Variants in CTNNA3 observed in about 807,000 individuals in gnomAD.
CTNNA3 encodes catenin alpha 3.
CTNNA3 carries 76 observed loss-of-function variants against 95.7 expected under a neutral mutation model. The ratio of observed to expected loss-of-function variants is 0.79; its 90% CI spans 0.66 to 0.96. The LOEUF (loss-of-function observed/expected upper bound fraction) is 0.96, where lower values mean the gene tolerates loss of function less well. CTNNA3 is among the 40% of genes least tolerant of loss of function. The pLI is 0.00. For missense variants in CTNNA3, 1,191 were observed against 1,089.8 expected (o/e 1.09, Z -1.31); for synonymous variants, 431 against 374.4 (o/e 1.15, Z -1.74).
At position 67,650,118 on chromosome 10, in the gene CTNNA3, C is replaced by A. The variant is rs576904244; in HGVS notation, c.-5-2600G>T. ...CCTCCCAAAGTGCTAGGATTACAGG[C>A]GTGAGCCACCACCCTGGCCGGCATT... On this transcript the variant is annotated intron_variant, in intron 1 of 17. Coordinates refer to ENST00000433211, the MANE Select transcript of CTNNA3 (RefSeq NM_013266.4). 3.9e-5 allele frequency among the ~76,000 whole-genome samples: 6 copies of A among 152,276 alleles called. 1 individual carries two copies. The South Asian group carries it at 1.2e-3, about 32-fold the overall frequency.
At chr10:66,376,482 A>G (rs2132480343) in intron 12 of CTNNA3, among the ~76,000 whole-genome samples, 1 of 152,316 alleles carries the variant, frequency 6.6e-6, no homozygotes, top group African/African-American at 2.4e-5. Flanking sequence ...CTTAATGCTG[A>G]GAAAACACTT....
rs1841143869 is a variant in CTNNA3 at position 67,716,467 on chromosome 10, C to A, written c.-2+46967G>T. Among the ~76,000 whole-genome samples the A allele has an allele frequency of 3.3e-5, 5 of 152,178 alleles. No individual in the cohort carries two copies. The South Asian group carries it at 1.0e-3, about 32-fold the overall frequency. On this transcript the variant is annotated intron_variant, in intron 1 of 17. Coordinates refer to the CTNNA3 transcript ENST00000684154. ...AGGTATTTCTCCTAATGCTCTCCCT[C>A]CCCTAGCCTCCACCCCTCAACAGGC...
intron 13 of CTNNA3, among the ~76,000 whole-genome samples, chr10:66,168,855 AAAG>A (rs1217816345): frequency 4.6e-5 from 7 of 152,200 alleles, no homozygotes; most frequent in Admixed American, 4.6e-4. Flanking sequence ...ATAATTGACA[AAAG>A]AAGACTTCTA....
chr10:67,415,441 A>G (rs1845509118), intron 5 of CTNNA3, among the ~76,000 whole-genome samples: 1 of 152,196 alleles, frequency 6.6e-6, no homozygotes, highest in Admixed American at 6.5e-5. Context: ...ACAGCTAACC[A>G]GGAGGTGAAA....
intron 9 of CTNNA3, among the ~76,000 whole-genome samples, chr10:66,729,110 T>G (rs4746635): frequency 0.39 from 59,003 of 152,030 alleles, 11,895 homozygotes; most frequent in Non-Finnish European, 0.43. Flanking sequence ...TTGGTTTACA[T>G]GTCTGTTCTT....
chr10:66,520,680 T>A lies in CTNNA3; in HGVS notation c.1468A>T (p.Ile490Leu). The change falls in exon 11 of 18, where the codon ATA (isoleucine) becomes TTA (leucine). Residue 490 changes from isoleucine (I) to leucine (L), a missense_variant. Transcript: ENST00000433211. ...EMYKRTWENH[I>L]HVLTEAVDDI... ...TCTACGGCTTCAGTGAGGACATGTA[T>A]ATGATTCTCCCATGTACGCTTGTAC... 1 of 1,612,198 alleles carries A rather than the reference T, an allele frequency of 6.2e-7. No homozygotes were observed. The highest frequency in any genetic ancestry group is 8.5e-7 in the Non-Finnish European group (1 of 1,178,914).
chr10:67,735,983 C>T (rs1303754467), intron 1 of CTNNA3, among the ~76,000 whole-genome samples: 1 of 152,150 alleles, frequency 6.6e-6, no homozygotes, highest in Non-Finnish European at 1.5e-5. Context: ...TTAGGTGATA[C>T]TTGCACACCA....
chr10:67,372,657 T>A (rs1018321861), intron 5 of CTNNA3, among the ~76,000 whole-genome samples: 9 of 151,954 alleles, frequency 5.9e-5, no homozygotes, highest in Admixed American at 1.3e-4. Flanking sequence ...GAAGAGCAAC[T>A]CCAAGACACA....
intron 5 of CTNNA3, among the ~76,000 whole-genome samples, chr10:67,501,541 A>C (rs1003067135): frequency 6.6e-6 from 1 of 152,190 alleles, no homozygotes; most frequent in Non-Finnish European, 1.5e-5. Context: ...TCTCCTGGTT[A>C]GTATCCTGAA....
intron 2 of CTNNA3, among the ~76,000 whole-genome samples, chr10:67,635,766 G>A (rs943722149): frequency 5.9e-5 from 9 of 152,144 alleles, no homozygotes; most frequent in Non-Finnish European, 1.2e-4. Context: ...AGACAAGGAT[G>A]CCCTCTCTTA....
chr10:65,924,066 T>C (rs1055211832), intron 17 of CTNNA3, among the ~76,000 whole-genome samples: 7 of 152,192 alleles, frequency 4.6e-5, no homozygotes, highest in African/African-American at 1.4e-4. Flanking sequence ...TACATATTGG[T>C]AATAATCCTA....
At chr10:66,108,219 A>T (rs1361635727) in intron 13 of CTNNA3, among the ~76,000 whole-genome samples, 1 of 152,210 alleles carries the variant, frequency 6.6e-6, no homozygotes, top group Non-Finnish European at 1.5e-5. Context: ...AAATTAAGAC[A>T]TGGCCCTTGT....
intron 7 of CTNNA3, among the ~76,000 whole-genome samples, chr10:66,899,422 C>T (rs780777088): frequency 3.5e-4 from 54 of 152,156 alleles, no homozygotes; most frequent in South Asian, 6.2e-4. Flanking sequence ...GGAACAGCTC[C>T]GGTCGGAAGC....
intron 7 of CTNNA3, among the ~76,000 whole-genome samples, chr10:67,162,598 C>A (rs1157020852): frequency 6.6e-6 from 1 of 151,382 alleles, no homozygotes; most frequent in African/African-American, 2.4e-5. Flanking sequence ...TCATCTATCT[C>A]AAAAATCTAG....
chr10:67,044,948 A>G (rs1589654095), intron 7 of CTNNA3, among the ~76,000 whole-genome samples: 1 of 152,210 alleles, frequency 6.6e-6, no homozygotes, highest in African/African-American at 2.4e-5. Flanking sequence ...TGTGAAAAGT[A>G]AATAAGATTT....
At chr10:67,223,703 GTTAA>G (rs1395640410) in intron 5 of CTNNA3, among the ~76,000 whole-genome samples, 3 of 152,214 alleles carry the variant, frequency 2.0e-5, no homozygotes, top group Non-Finnish European at 4.4e-5. Flanking sequence ...TAAGCTATCA[GTTAA>G]TTAATTCAAC....
At position 67,564,532 on chromosome 10, in the gene CTNNA3, T is replaced by C. The variant is rs568697061; in HGVS notation, c.293-24863A>G. On this transcript the variant is annotated intron_variant, in intron 3 of 17. Transcript: ENST00000433211. ...GGGGGATGGATAGCACTGGGAGATA[T>C]ACCTAATGTGAATGATGAGTTAATC... Among the ~76,000 whole-genome samples the C allele has an allele frequency of 4.0e-4, 57 of 141,126 alleles. 2 individuals are homozygous for C. The highest frequency in any genetic ancestry group is 1.5e-3 in the African/African-American group (55 of 37,680). 92.6% of individuals were successfully genotyped at this position (141,126 alleles called of 152,430 possible).
chr10:67,650,954 C>T (rs1195421300), intron 1 of CTNNA3, among the ~76,000 whole-genome samples: 1 of 152,050 alleles, frequency 6.6e-6, no homozygotes, highest in African/African-American at 2.4e-5. Context: ...ACATAACCAC[C>T]ACCCCCTCCC....
At chr10:67,554,705 G>C (rs1841169357) in intron 3 of CTNNA3, among the ~76,000 whole-genome samples, 1 of 152,074 alleles carries the variant, frequency 6.6e-6, no homozygotes, top group Non-Finnish European at 1.5e-5. Context: ...TCTATACGTT[G>C]CCTGTTCACT....
Sources: gnomAD v4.1 joint callset for allele counts (sites outside exome capture counted in the v4.1 genomes callset) on GRCh38, gnomAD v4.1.1 for gene constraint, MANE v1.5 for transcripts, NCBI Gene and HGNC (gene_info 2026-07-23, HGNC 2026-07-21) for gene names.